Variants in SS18L2 observed in about 807,000 individuals in gnomAD.
SS18L2 encodes the protein SS18-like protein 2.
SS18L2 carries 8 observed loss-of-function variants against 10.3 expected under a neutral mutation model. The observed-to-expected ratio is 0.78, with a 90% CI of 0.46 to 1.41. The LOEUF is 1.41. SS18L2 is among the 40% of genes most tolerant of loss of function. The pLI is 0.00. For missense variants in SS18L2, 100 were observed against 96.2 expected (o/e 1.04, Z -0.17); for synonymous variants, 41 against 34.6 (o/e 1.19, Z -0.65).
At chr3:42,581,916 G>C (rs900445307) in exon 1 of SS18L2, 2 of 152,240 alleles carry the variant, frequency 1.3e-5, no homozygotes, top group Non-Finnish European at 2.9e-5. Flanking sequence ...AATCTTAGCC[G>C]ACCGGGAGGG....
At chr3:42,583,212 T>C (rs1365062560) in intron 1 of SS18L2, among the ~76,000 whole-genome samples, 1 of 152,176 alleles carries the variant, frequency 6.6e-6, no homozygotes, top group Admixed American at 6.5e-5. Flanking sequence ...AATGGAGAAG[T>C]CTCAACAGAG....
intron 1 of SS18L2, 46 bp from the exon 2 acceptor site, chr3:42,591,479 C>G: frequency 6.9e-7 from 1 of 1,449,830 alleles, no homozygotes; most frequent in Non-Finnish European, 9.7e-7. Flanking sequence ...AGGCGTGAGC[C>G]ACTGCGCCCG....
rs904611791 is a variant in SS18L2, at chr3:42,582,374, A to T, written c.-90+416A>T. 5 of 152,368 alleles carry T rather than the reference A, an allele frequency of 3.3e-5. No individual in the cohort carries two copies. In the East Asian group the frequency reaches 9.6e-4, roughly 29 times the overall value. 9.4% of individuals were successfully genotyped at this position (152,368 alleles called of 1,614,324 possible). On this transcript the variant is annotated intron_variant, in intron 1 of 3. Coordinates refer to the SS18L2 transcript ENST00000447630. ...TCTGCGGTCCGCGCGGCTGGGCGGGAGGCCCGAGATAGGCAAACCAAAGAG... is the reference window on the plus strand; with the variant it reads ...TCTGCGGTCCGCGCGGCTGGGCGGGTGGCCCGAGATAGGCAAACCAAAGAG...
chr3:42,587,565 GA>G (rs34952650), upstream of SS18L2: 661 of 142,780 alleles, frequency 4.6e-3, 4 homozygotes, highest in African/African-American at 0.011. Context: ...CGTCTCTACT[GA>G]AAAAAAAAAA....
intron 1 of SS18L2, among the ~76,000 whole-genome samples, chr3:42,584,640 A>C (rs543116920): frequency 8.6e-4 from 131 of 152,288 alleles, no homozygotes; most frequent in South Asian, 7.5e-3. Flanking sequence ...ACAAAATGAA[A>C]ACTGAAGAGA....
Position 42,594,514 on chromosome 3 carries a change from T to C in SS18L2, c.*5T>C. ...ACTTCAAAAGCAATGGAATAATCTT[T>C]CAAAAGCAATAGAATAATCTTCCAT... is the stretch of plus-strand genomic sequence containing the variant. On this transcript the variant is annotated 3_prime_UTR_variant, in exon 3 of 3. Transcript: ENST00000011691. 6.2e-7 allele frequency: 1 copy of C among 1,610,708 alleles called. No homozygotes were observed. The highest frequency in any genetic ancestry group is 1.7e-5 in the Admixed American group (1 of 59,986).
intron 1 of SS18L2, among the ~76,000 whole-genome samples, chr3:42,583,076 T>A (rs1380581850): frequency 6.6e-6 from 1 of 152,192 alleles, no homozygotes; most frequent in African/African-American, 2.4e-5. Flanking sequence ...TGAGATCCAC[T>A]AGAGCGAATA....
chr3:42,585,552 T>C lies in SS18L2; in HGVS notation c.-90+3594T>C, dbSNP rs114396812. ...AGTTCATTTGTCCCTCTACTTTGTT[T>C]TATTTATAAGCTCCATCGAGTCTTC... On this transcript the variant is annotated intron_variant, in intron 1 of 3. Coordinates refer to the SS18L2 transcript ENST00000447630. 3.3e-3 allele frequency among the ~76,000 whole-genome samples: 504 copies of C among 152,346 alleles called. 1 individual carries two copies. Among genetic ancestry groups the C allele is most frequent in the African/African-American group, 0.011 (476 of 41,574 alleles).
chr3:42,588,756 G>C (rs1482961544), upstream of SS18L2, among the ~76,000 whole-genome samples: 1 of 152,140 alleles, frequency 6.6e-6, no homozygotes, highest in Admixed American at 6.5e-5. Flanking sequence ...TGTCTAAACA[G>C]GAATAGGGCT....
chr3:42,590,833 G>C (rs1480343179), upstream of SS18L2: 3 of 1,550,416 alleles, frequency 1.9e-6, no homozygotes, highest in African/African-American at 1.4e-5. Context: ...TCAACTTCGA[G>C]AGCGTAGGCC....
At chr3:42,589,533 A>G (rs1704741562), upstream of SS18L2, among the ~76,000 whole-genome samples, 1 of 152,174 alleles carries the variant, frequency 6.6e-6, no homozygotes. Context: ...GGGGACCGGT[A>G]CCGCATAGCA....
chr3:42,587,909 A>G (rs905941027), upstream of SS18L2, among the ~76,000 whole-genome samples: 1 of 151,600 alleles, frequency 6.6e-6, no homozygotes, highest in African/African-American at 2.4e-5. Context: ...CCCCATCTCT[A>G]CCAAAAACAC....
intron 1 of SS18L2, 145 bp from the exon 2 acceptor site, chr3:42,591,380 G>C (rs1704832472): frequency 1.6e-6 from 1 of 633,096 alleles, no homozygotes; most frequent in Middle Eastern, 4.3e-4. Context: ...TGTATTTTTA[G>C]TATGGGGTTT....
intron 2 of SS18L2, among the ~76,000 whole-genome samples, chr3:42,593,048 T>C (rs567018146): frequency 6.6e-6 from 1 of 152,324 alleles, no homozygotes; most frequent in African/African-American, 2.4e-5. Context: ...AAAAATACAG[T>C]ATAACAACTA....
intron 2 of SS18L2, among the ~76,000 whole-genome samples, chr3:42,592,203 C>CT (rs957025945): frequency 3.5e-4 from 52 of 147,244 alleles, no homozygotes; most frequent in Non-Finnish European, 3.0e-4. Flanking sequence ...TTTTTCTTTT[C>CT]TTTTTTTTTT....
chr3:42,592,344 C>T (rs1463539514), intron 2 of SS18L2, among the ~76,000 whole-genome samples: 3 of 152,028 alleles, frequency 2.0e-5, no homozygotes, highest in South Asian at 2.1e-4. Flanking sequence ...GGACTACAGG[C>T]GTGTGCCACC....
chr3:42,585,941 C>G (rs530570585), upstream of SS18L2, among the ~76,000 whole-genome samples: 246 of 152,004 alleles, frequency 1.6e-3, no homozygotes, highest in Middle Eastern at 3.4e-3. Context: ...CACTCTTCAA[C>G]CCCCCCTCCC....
intron 1 of SS18L2, among the ~76,000 whole-genome samples, chr3:42,584,759 C>T (rs770368755): frequency 6.6e-6 from 1 of 152,166 alleles, no homozygotes; most frequent in Non-Finnish European, 1.5e-5. Context: ...TAGGTCATAA[C>T]AGGCACAAAG....
chr3:42,589,471 A>G (rs1421472614), upstream of SS18L2, among the ~76,000 whole-genome samples: 1 of 152,012 alleles, frequency 6.6e-6, no homozygotes, highest in African/African-American at 2.4e-5. Flanking sequence ...GCCGCTGCTC[A>G]CTCCAGGGAA....
Sources: allele counts gnomAD v4.1 joint callset (sites outside exome capture counted in the v4.1 genomes callset), GRCh38; gene constraint gnomAD v4.1.1; transcripts MANE v1.5; gene names NCBI Gene and HGNC (gene_info 2026-07-23, HGNC 2026-07-21).